Variants in CCDC85C observed in about 807,000 individuals in gnomAD.
The protein encoded by CCDC85C is coiled-coil domain containing 85C.
A neutral mutation model predicts 38.3 loss-of-function variants in CCDC85C; 18 were observed. The observed-to-expected ratio is 0.47, with a 90% confidence interval of 0.33 to 0.70. The LOEUF (loss-of-function observed/expected upper bound fraction) is 0.70. Ranked by LOEUF, CCDC85C falls within the 30% of genes least tolerant of loss-of-function variation. CCDC85C has a pLI of 0.03. For missense variants in CCDC85C, 566 were observed against 621.2 expected, an observed-to-expected ratio of 0.91 and a Z score of 0.94; for synonymous variants, 264 against 293.8, an observed-to-expected ratio of 0.90 and a Z score of 1.04.
chr14:99,517,102 C>G lies in CCDC85C; in HGVS notation c.1057G>C (p.Val353Leu). The change falls in exon 4 of 6, where the codon GTG becomes CTG. Residue 353 changes from valine (V) to leucine (L), a missense_variant. Around this residue, in one of 3 missense-constraint regions of CCDC85C, gnomAD observed 286 missense variants for 276.4 expected, o/e 1.03. Coordinates refer to ENST00000380243, the MANE Select transcript of CCDC85C (RefSeq NM_001144995.2). Reference protein sequence around the residue: ...SPAGQKPEAVVHAMKVLEVHE... With the variant: ...SPAGQKPEAVLHAMKVLEVHE... ...GTGGCCCTCACCTTCATGGCATGCA[C>G]GACAGCCTCGGGCTTCTGTCCTGCA... 1.3e-6 allele frequency: 2 copies of G among 1,550,480 alleles called. No individual in the cohort carries two copies. Among genetic ancestry groups the G allele is most frequent in the Non-Finnish European group, 1.7e-6 (2 of 1,146,916 alleles).
chr14:99,580,910 T>C (rs1433968555), intron 1 of CCDC85C, among the ~76,000 whole-genome samples: 1 of 152,096 alleles, frequency 6.6e-6, no homozygotes, highest in African/African-American at 2.4e-5. Context: ...CCAGAAGACA[T>C]GGGAGAGGAA....
intron 1 of CCDC85C, among the ~76,000 whole-genome samples, chr14:99,546,904 C>A (rs944347330): frequency 2.0e-5 from 3 of 152,192 alleles, no homozygotes; most frequent in African/African-American, 7.2e-5. Flanking sequence ...CACAGTGGCT[C>A]ATGCCTGTAA....
rs1206084198 is a variant in CCDC85C at position 99,501,268 on chromosome 14, G to T, written c.*13978C>A. On this transcript the variant is annotated 3_prime_UTR_variant, in exon 6 of 6. Transcript: ENST00000380243. ...CTTTGCTGTGTATTTGAGTGGTGCTGAACACGTGGTAGGTTTTTAATAAAT... is the reference window on the plus strand; with the variant it reads ...CTTTGCTGTGTATTTGAGTGGTGCTTAACACGTGGTAGGTTTTTAATAAAT... The T allele has an allele frequency of 5.9e-6, 5 of 849,810 alleles. No individual in the cohort carries two copies. The highest frequency in any genetic ancestry group is 1.0e-5 in the Non-Finnish European group (5 of 496,064). The allele number at this position is 849,810 out of a possible 1,614,324, so 52.6% of individuals were successfully genotyped here. A position where few individuals can be genotyped will look rare whatever the true frequency, so the allele number is the denominator to read the frequency against.
intron 2 of CCDC85C, among the ~76,000 whole-genome samples, chr14:99,528,508 C>T (rs887678658): frequency 6.6e-6 from 1 of 152,164 alleles, no homozygotes; most frequent in Non-Finnish European, 1.5e-5. Flanking sequence ...CCTAGGAGCA[C>T]CCACCACCCC....
intron 1 of CCDC85C, among the ~76,000 whole-genome samples, chr14:99,562,266 C>T (rs1348435478): frequency 3.9e-5 from 6 of 152,192 alleles, no homozygotes; most frequent in African/African-American, 1.4e-4. Context: ...CTCCCCATTT[C>T]ATCTCTGCCC....
chr14:99,502,894 C>G lies in CCDC85C; in HGVS notation c.*12352G>C, dbSNP rs777791031. On this transcript the variant is annotated 3_prime_UTR_variant, in exon 6 of 6. Coordinates refer to ENST00000380243, the MANE Select transcript of CCDC85C (RefSeq NM_001144995.2). The stretch of plus-strand genomic sequence containing the variant: ...CATCCCAGCCCCAGCAGAAGGACCC[C>G]CAGCAACCAGCCCAGCAGCAGCAGC... The G allele has an allele frequency of 6.2e-7, 1 of 1,613,594 alleles. No homozygotes were observed.
At chr14:99,581,152 T>C (rs1376682523) in intron 1 of CCDC85C, among the ~76,000 whole-genome samples, 1 of 152,076 alleles carries the variant, frequency 6.6e-6, no homozygotes, top group Non-Finnish European at 1.5e-5. Context: ...AACCCCACCA[T>C]CAGCACTGGA....
chr14:99,519,503 G>A (rs1459159324), intron 3 of CCDC85C, among the ~76,000 whole-genome samples: 12 of 152,070 alleles, frequency 7.9e-5, no homozygotes, highest in Non-Finnish European at 1.6e-4. Flanking sequence ...GGGGCTGGGC[G>A]CCAAACCCAA....
chr14:99,603,133 G>T lies in CCDC85C; in HGVS notation c.793+34C>A. 7.7e-7 allele frequency: 1 copy of T among 1,297,174 alleles called. No homozygotes were observed. Among genetic ancestry groups the T allele is most frequent in the Non-Finnish European group, 9.8e-7 (1 of 1,022,328 alleles). 80.4% of individuals were successfully genotyped at this position (1,297,174 alleles called of 1,614,324 possible). A position where few individuals can be genotyped will look rare whatever the true frequency, so the allele number is the denominator to read the frequency against. ...GCCTGGGAAAAGGGCTGCAGCCAGG[G>T]AGACCCGCGCTGCCCGGCCCGTGTA... On this transcript the variant is annotated intron_variant, in intron 1 of 5. Coordinates refer to ENST00000380243, the MANE Select transcript of CCDC85C (RefSeq NM_001144995.2). This position sits in a 1 kb window ranked among gnomAD's most constrained non-coding sequence, Gnocchi z 7.5.
At chr14:99,534,603 C>A in intron 2 of CCDC85C, 2 of 702,210 alleles carry the variant, frequency 2.8e-6, no homozygotes, top group Non-Finnish European at 5.2e-6. Context: ...TGCATGGGGA[C>A]CTTCTCCAAA....
chr14:99,539,152 T>C (rs192040693), intron 1 of CCDC85C, among the ~76,000 whole-genome samples: 17 of 152,330 alleles, frequency 1.1e-4, no homozygotes, highest in African/African-American at 4.1e-4. Flanking sequence ...GACCATCCAG[T>C]AATTCCAGTG....
intron 1 of CCDC85C, among the ~76,000 whole-genome samples, chr14:99,577,374 G>A (rs1383987255): frequency 1.4e-5 from 2 of 144,830 alleles, no homozygotes; most frequent in African/African-American, 5.1e-5. Flanking sequence ...GGCGGCAGAC[G>A]TGGAGTCACA....
chr14:99,535,292 C>G lies in CCDC85C; in HGVS notation c.867+723G>C, dbSNP rs1324214878. Among the ~76,000 whole-genome samples, 1 of 152,186 alleles carries G rather than the reference C, an allele frequency of 6.6e-6. No homozygotes were observed. Among genetic ancestry groups the G allele is most frequent in the Non-Finnish European group, 1.5e-5 (1 of 68,030 alleles). On this transcript the variant is annotated intron_variant, in intron 2 of 5. Transcript: ENST00000380243. This position sits in a 1 kb window ranked among gnomAD's most constrained non-coding sequence, Gnocchi z 5.5. ...AGACTGGGATGAAGCCAGGGATGCG[C>G]ACGAGGGCTCGGAGGCTTGGGGGAG...
chr14:99,596,628 A>G (rs1294099191), intron 1 of CCDC85C, among the ~76,000 whole-genome samples: 1 of 152,234 alleles, frequency 6.6e-6, no homozygotes, highest in African/African-American at 2.4e-5. Context: ...ATGAGTGTCC[A>G]ATCCTGGGTG....
chr14:99,502,831 G>T lies in CCDC85C; in HGVS notation c.*12415C>A, dbSNP rs3918090. 3.7e-6 allele frequency: 6 copies of T among 1,613,180 alleles called. No homozygotes were observed. The highest frequency in any genetic ancestry group is 5.1e-6 in the Non-Finnish European group (6 of 1,179,692). On this transcript the variant is annotated 3_prime_UTR_variant, in exon 6 of 6. Coordinates refer to ENST00000380243, the MANE Select transcript of CCDC85C (RefSeq NM_001144995.2). ...CTCTTCAGCCTACACCACAAGTGCC[G>T]CAAGTACAGCAGTCACAGCCGTCTC... is the stretch of plus-strand genomic sequence containing the variant.
chr14:99,516,379 G>T lies in CCDC85C; in HGVS notation c.1072-93C>A. 2.1e-6 allele frequency: 2 copies of T among 938,958 alleles called. No homozygotes were observed. The highest frequency in any genetic ancestry group is 3.3e-6 in the Non-Finnish European group (2 of 602,656). 58.2% of individuals were successfully genotyped at this position (938,958 alleles called of 1,614,324 possible). On this transcript the variant is annotated intron_variant, in intron 4 of 5. Transcript: ENST00000380243. The surrounding 1 kb of genome is among the most constrained non-coding windows in gnomAD (Gnocchi z 5.5). ...CCTGATCCTCAGCCTCCCCTGCTGC[G>T]AACCAAAGCTGAGGACCCTGAGCCG... is the stretch of plus-strand genomic sequence containing the variant.
rs1355622719 is a variant in CCDC85C, at chr14:99,520,546, G to A, written c.975+1587C>T. ...TCATCCCACTCCTGGGGGCCTGCCC[G>A]CCGACCAGCCCCGATCACGGCCCCT... On this transcript the variant is annotated intron_variant, in intron 3 of 5. Coordinates refer to ENST00000380243, the MANE Select transcript of CCDC85C (RefSeq NM_001144995.2). The surrounding 1 kb of genome is among the most constrained non-coding windows in gnomAD (Gnocchi z 4.1). 1.4e-5 allele frequency among the ~76,000 whole-genome samples: 1 copy of A among 71,562 alleles called. No individual in the cohort carries two copies. The highest frequency in any genetic ancestry group is 3.2e-5 in the Non-Finnish European group (1 of 31,124). 46.9% of individuals were successfully genotyped at this position (71,562 alleles called of 152,430 possible). A position where few individuals can be genotyped will look rare whatever the true frequency, so the allele number is the denominator to read the frequency against.
intron 1 of CCDC85C, among the ~76,000 whole-genome samples, chr14:99,568,526 C>A (rs907447444): frequency 6.6e-6 from 1 of 152,094 alleles, no homozygotes; most frequent in Non-Finnish European, 1.5e-5. Flanking sequence ...GAAGACAGCA[C>A]CCCCACTACC....
chr14:99,572,230 A>C lies in CCDC85C; in HGVS notation c.793+30937T>G, dbSNP rs1158401507. Among the ~76,000 whole-genome samples the C allele has an allele frequency of 6.6e-6, 1 of 152,184 alleles. No homozygotes were observed. Among genetic ancestry groups the C allele is most frequent in the Non-Finnish European group, 1.5e-5 (1 of 68,024 alleles). On this transcript the variant is annotated intron_variant, in intron 1 of 5. Transcript: ENST00000380243. This position sits in a 1 kb window ranked among gnomAD's most constrained non-coding sequence, Gnocchi z 4.4. ...GCCCTGGCCCCAGCAGCGTTAGTGA[A>C]TGGCCAGGCTGTGGCCCTCCCCGAG... is the stretch of plus-strand genomic sequence containing the variant.
Sources: allele counts gnomAD v4.1 joint callset (sites outside exome capture counted in the v4.1 genomes callset), GRCh38; gene constraint gnomAD v4.1.1; regional missense constraint gnomAD v4.1.1; non-coding constraint Gnocchi (gnomAD v3.1); transcripts MANE v1.5; gene names NCBI Gene and HGNC (gene_info 2026-07-23, HGNC 2026-07-21).